RASA2: variants seen among roughly 807,000 people sequenced by gnomAD.
RASA2 encodes the protein RAS p21 protein activator 2.
In RASA2, 155 loss-of-function variants were observed where a neutral mutation model predicts 118.2. The ratio of observed to expected loss-of-function variants is 1.31; its 90% CI spans 1.15 to 1.50. The LOEUF is 1.50. Ranked by LOEUF, RASA2 falls within the 40% of genes most tolerant of loss-of-function variation. The pLI is 0.00. For synonymous variants in RASA2, 353 were observed against 349.1 expected, an observed-to-expected ratio of 1.01 and a Z score of -0.12; for missense variants, 1,016 against 1,009.6, an observed-to-expected ratio of 1.01 and a Z score of -0.09.
rs752317451 is a variant in RASA2, at chr3:141,540,573, C to A, written c.491C>A (p.Thr164Lys). ...HLELKLNELI[T>K]ENGTVCQQLV... ...GAATTAAAACTGAATGAACTGATAACGGAGAATGGAACTGTATGCCAGCAG... is the reference window on the plus strand; with the variant it reads ...GAATTAAAACTGAATGAACTGATAAAGGAGAATGGAACTGTATGCCAGCAG... The change falls in exon 5 of 24, where the codon ACG becomes AAG. Residue 164 changes from threonine to lysine, a missense_variant. Thr to Lys is a moderately conservative substitution (Grantham distance 78). Around this residue, in one of 2 missense-constraint regions of RASA2, gnomAD observed 896 missense variants for 836.4 expected, o/e 1.07. Transcript: ENST00000286364. 1 of 1,612,526 alleles carries A rather than the reference C, an allele frequency of 6.2e-7. No individual in the cohort carries two copies. The highest frequency in any genetic ancestry group is 1.3e-5 in the African/African-American group (1 of 74,846).
At chr3:141,545,503 C>T (rs113016719) in intron 5 of RASA2, among the ~76,000 whole-genome samples, 89 of 133,526 alleles carry the variant, frequency 6.7e-4, no homozygotes, top group African/African-American at 2.4e-3. Flanking sequence ...CTCACTCTGT[C>T]GACCAGGCTG....
At chr3:141,593,200 G>A (rs867149702) in intron 19 of RASA2, among the ~76,000 whole-genome samples, 14 of 151,912 alleles carry the variant, frequency 9.2e-5, no homozygotes, top group African/African-American at 3.1e-4. Context: ...GGCATGCATC[G>A]CCATGCCCGG....
At chr3:141,496,920 G>A (rs1431985727) in intron 1 of RASA2, among the ~76,000 whole-genome samples, 3 of 152,100 alleles carry the variant, frequency 2.0e-5, no homozygotes, top group Non-Finnish European at 4.4e-5. Context: ...CAACCCACAT[G>A]TCCATCAGTG....
At chr3:141,562,228 G>A (rs981459882) in intron 9 of RASA2, among the ~76,000 whole-genome samples, 1 of 150,758 alleles carries the variant, frequency 6.6e-6, no homozygotes, top group African/African-American at 2.4e-5. Flanking sequence ...CTGGGATTGT[G>A]AGCCATTGCG....
Position 141,571,437 on chromosome 3 carries a change from G to T in RASA2, c.1052G>T (p.Ser351Ile). The part of the protein sequence containing the change: ...PISASAAYIL[S>I]EICRDKNDAV... ...TCTGCCTCAGCTGCTTACATTTTGA[G>T]TGAAATATGTCGAGATAAAAATGAT... Residue 351 changes from serine (S) to isoleucine (I), a missense_variant, in exon 11 of 24, where the codon AGT becomes ATT. Around this residue, in one of 2 missense-constraint regions of RASA2, gnomAD observed 896 missense variants for 836.4 expected, o/e 1.07. Coordinates refer to ENST00000286364, the MANE Select transcript of RASA2 (RefSeq NM_006506.5). 1 of 1,613,618 alleles carries T rather than the reference G, an allele frequency of 6.2e-7. No individual in the cohort carries two copies. The highest frequency in any genetic ancestry group is 1.1e-5 in the South Asian group (1 of 90,984).
At chr3:141,580,059 AAAAAAAAAAG>A (rs1560047192) in intron 15 of RASA2, among the ~76,000 whole-genome samples, 3 of 80,404 alleles carry the variant, frequency 3.7e-5, no homozygotes, top group Non-Finnish European at 4.3e-5. Flanking sequence ...CCATCTCAGG[AAAAAAAAAAG>A]AAAAAAAAAA....
chr3:141,561,689 G>A (rs2151120513), intron 9 of RASA2, among the ~76,000 whole-genome samples: 1 of 152,248 alleles, frequency 6.6e-6, no homozygotes, highest in Middle Eastern at 3.4e-3. Context: ...TTTACCCTCA[G>A]GATTTCAGGC....
At chr3:141,593,602 G>A (rs1394424423) in intron 19 of RASA2, among the ~76,000 whole-genome samples, 4 of 152,160 alleles carry the variant, frequency 2.6e-5, no homozygotes, top group African/African-American at 7.2e-5. Context: ...CTAGTGAAAA[G>A]CAATAACTGA....
Position 141,540,624 on chromosome 3 carries a change from TA to T in RASA2, c.527+17del, listed in dbSNP as rs755505724. The T allele has an allele frequency of 6.3e-7, 1 of 1,584,124 alleles. No homozygotes were observed. The highest frequency in any genetic ancestry group is 8.6e-7 in the Non-Finnish European group (1 of 1,157,100). On this transcript the variant is annotated intron_variant, in intron 5 of 23. Coordinates refer to ENST00000286364, the MANE Select transcript of RASA2 (RefSeq NM_006506.5). Reference sequence around the variant, plus strand: ...CTTGTTGTACAGTAAGCATTTTTTTTAACCAAAATCAACTAGAAATAATTCT... The same window carrying T: ...CTTGTTGTACAGTAAGCATTTTTTTTACCAAAATCAACTAGAAATAATTCT...
chr3:141,536,214 G>A (rs1190203494), intron 4 of RASA2, among the ~76,000 whole-genome samples: 1 of 152,172 alleles, frequency 6.6e-6, no homozygotes, highest in Non-Finnish European at 1.5e-5. Flanking sequence ...ATCATGGCAG[G>A]AGGTGAAAGG....
At chr3:141,610,201 C>T in intron 23 of RASA2, 135 bp downstream of exon 23, 1 of 621,730 alleles carries the variant, frequency 1.6e-6, no homozygotes, top group Non-Finnish European at 2.5e-6. Flanking sequence ...GTGCAAGTTT[C>T]CCTGGCCACT....
chr3:141,584,169 A>G (rs1202892531), intron 17 of RASA2, among the ~76,000 whole-genome samples: 2 of 151,966 alleles, frequency 1.3e-5, no homozygotes, highest in African/African-American at 4.8e-5. Context: ...TGTCTCTACT[A>G]AAAATACAAA....
intron 4 of RASA2, among the ~76,000 whole-genome samples, chr3:141,532,784 T>A (rs1472845801): frequency 6.6e-6 from 1 of 152,114 alleles, no homozygotes; most frequent in Non-Finnish European, 1.5e-5. Context: ...CTGCCCTGAC[T>A]CAGTACAGCA....
chr3:141,492,633 C>T (rs1157876700), intron 1 of RASA2, among the ~76,000 whole-genome samples: 1 of 152,228 alleles, frequency 6.6e-6, no homozygotes, highest in African/African-American at 2.4e-5. Flanking sequence ...TGGTCTTTAA[C>T]ATCCCTTCTA....
chr3:141,586,057 A>G lies in RASA2; in HGVS notation c.1785A>G (p.Lys595=), dbSNP rs1475029768. The G allele has an allele frequency of 3.7e-6, 6 of 1,611,346 alleles. No homozygotes were observed. Among genetic ancestry groups the G allele is most frequent in the Non-Finnish European group, 8.5e-7 (1 of 1,177,810 alleles). Residue 595 remains lysine (K), a synonymous_variant, in exon 18 of 24, where the codon AAA becomes AAG. Coordinates refer to ENST00000286364, the MANE Select transcript of RASA2 (RefSeq NM_006506.5). ...FLDEISSTET[K]ESSGTSEPVH... Reference sequence around the variant, plus strand: ...ATGAAATTTCATCTACTGAAACTAAAGAGTCCAGTGGTACGAGTGAGCCTG... The same window carrying G: ...ATGAAATTTCATCTACTGAAACTAAGGAGTCCAGTGGTACGAGTGAGCCTG...
intron 4 of RASA2, among the ~76,000 whole-genome samples, chr3:141,535,135 C>A (rs762751003): frequency 6.6e-6 from 1 of 152,136 alleles, no homozygotes; most frequent in Non-Finnish European, 1.5e-5. Flanking sequence ...ATATGCTCAC[C>A]TCATTTCTCT....
Position 141,559,974 on chromosome 3 carries a change from C to G in RASA2, c.842C>G (p.Thr281Ser). ...AAGGTTCCTGTGAACGTATTAAGAACTGATTCCTCTCATCAAGCCTGGTAA... is the reference window on the plus strand; with the variant it reads ...AAGGTTCCTGTGAACGTATTAAGAAGTGATTCCTCTCATCAAGCCTGGTAA... ...EIKVPVNVLR[T>S]DSSHQAWYLL... Residue 281 changes from threonine (T) to serine (S), a missense_variant, in exon 9 of 24, where the codon ACT becomes AGT. Physicochemically the swap from Thr to Ser is moderately conservative, Grantham distance 58. This residue lies in a region of RASA2 where 896 missense variants were observed against 836.4 expected (regional missense o/e 1.07). Coordinates refer to ENST00000286364, the MANE Select transcript of RASA2 (RefSeq NM_006506.5). 2 of 1,613,016 alleles carry G rather than the reference C, an allele frequency of 1.2e-6. No individual in the cohort carries two copies. The highest frequency in any genetic ancestry group is 1.1e-5 in the South Asian group (1 of 91,056).
intron 4 of RASA2, among the ~76,000 whole-genome samples, chr3:141,533,423 C>A (rs1308089027): frequency 1.3e-5 from 2 of 152,158 alleles, no homozygotes; most frequent in Admixed American, 6.5e-5. Flanking sequence ...AGCCTGTTAC[C>A]TGAGGATCTT....
chr3:141,509,441 CAG>C lies in RASA2; in HGVS notation c.134-2720_134-2719del, dbSNP rs542075566. On this transcript the variant is annotated intron_variant, in intron 1 of 23. Coordinates refer to ENST00000286364, the MANE Select transcript of RASA2 (RefSeq NM_006506.5). ...CAAAACTGCACCTATGTGAATGAAA[CAG>C]AAACATGTTCAGGGACAGTTAGTGT... Among the ~76,000 whole-genome samples, 9 of 152,258 alleles carry C rather than the reference CAG, an allele frequency of 5.9e-5. No individual in the cohort carries two copies. The East Asian group carries it at 1.7e-3, about 29-fold the overall frequency.
Sources: gnomAD v4.1 joint callset for allele counts (sites outside exome capture counted in the v4.1 genomes callset) on GRCh38, gnomAD v4.1.1 for gene constraint, gnomAD v4.1.1 regional missense constraint, MANE v1.5 for transcripts, NCBI Gene and HGNC (gene_info 2026-07-23, HGNC 2026-07-21) for gene names.